The following EPHA6 variants were observed in gnomAD, a reference collection of about 807,000 sequenced individuals.
The protein encoded by EPHA6 is EPH receptor A6.
In EPHA6, 50 loss-of-function variants were observed where a neutral mutation model predicts 112.0. The observed-to-expected ratio is 0.45, with a 90% CI of 0.36 to 0.56. The LOEUF (loss-of-function observed/expected upper bound fraction) is 0.56, where lower values mean the gene tolerates loss of function less well. Ranked by LOEUF, EPHA6 falls within the 20% of genes least tolerant of loss-of-function variation. The probability of loss-of-function intolerance (pLI) is 0.00; values close to 1 mark genes in which losing one functional copy is unlikely to be tolerated. For missense variants in EPHA6, 1,280 were observed against 1,417.4 expected (o/e 0.90, Z 1.56); for synonymous variants, 529 against 490.7 (o/e 1.08, Z -1.03).
chr3:97,127,714 C>CAA (rs1343245083), intron 3 of EPHA6, among the ~76,000 whole-genome samples: 18 of 93,890 alleles, frequency 1.9e-4, no homozygotes, highest in African/African-American at 6.7e-4. Context: ...GACCCTGTCT[C>CAA]AAAAAAAAAA....
intron 8 of EPHA6, among the ~76,000 whole-genome samples, chr3:97,476,607 C>T (rs889845649): frequency 6.6e-6 from 1 of 151,988 alleles, no homozygotes; most frequent in Non-Finnish European, 1.5e-5. Context: ...ACAATTTTGA[C>T]AGCACACCAA....
chr3:97,476,514 C>T (rs980225226), intron 8 of EPHA6, among the ~76,000 whole-genome samples: 2 of 152,086 alleles, frequency 1.3e-5, no homozygotes, highest in Non-Finnish European at 2.9e-5. Context: ...TTTTAAAACT[C>T]TGCTTAGGGA....
At chr3:97,111,252 G>A (rs141722244) in intron 3 of EPHA6, among the ~76,000 whole-genome samples, 82 of 152,196 alleles carry the variant, frequency 5.4e-4, no homozygotes, top group African/African-American at 1.9e-3. Flanking sequence ...TTTTATTCAT[G>A]AATTTCTTCA....
chr3:97,508,056 T>G (rs2092291141), intron 10 of EPHA6, among the ~76,000 whole-genome samples: 1 of 152,156 alleles, frequency 6.6e-6, no homozygotes, highest in Admixed American at 6.6e-5. Context: ...TCTCTTTTCT[T>G]CTTTATTAGT....
chr3:97,391,390 G>A (rs1160181845), intron 5 of EPHA6, among the ~76,000 whole-genome samples: 2 of 151,896 alleles, frequency 1.3e-5, no homozygotes. Context: ...ATTTAGCACC[G>A]TTGGTACAGT....
intron 5 of EPHA6, among the ~76,000 whole-genome samples, chr3:97,385,323 T>C (rs944068475): frequency 6.6e-6 from 1 of 152,204 alleles, no homozygotes; most frequent in East Asian, 1.9e-4. Context: ...TATGAACCCA[T>C]AGACCTTCTT....
intron 14 of EPHA6, 50 bp from the exon 15 acceptor site, chr3:97,720,211 T>C (rs2034464893): frequency 2.8e-6 from 4 of 1,451,726 alleles, no homozygotes; most frequent in Non-Finnish European, 2.7e-6. Context: ...TACCATTTTG[T>C]TTTTAATACA....
chr3:97,534,240 A>T (rs184717415), intron 11 of EPHA6, among the ~76,000 whole-genome samples: 2 of 152,284 alleles, frequency 1.3e-5, no homozygotes, highest in Admixed American at 1.3e-4. Flanking sequence ...ACCACATTCA[A>T]TAATATTCTT....
intron 3 of EPHA6, among the ~76,000 whole-genome samples, chr3:97,114,547 T>C (rs1444766900): frequency 6.6e-6 from 1 of 152,088 alleles, no homozygotes; most frequent in Middle Eastern, 3.2e-3. Context: ...TGAGATTTTA[T>C]ATAATTTTAT....
At chr3:97,583,448 A>C (rs962963825) in intron 11 of EPHA6, among the ~76,000 whole-genome samples, 5 of 151,796 alleles carry the variant, frequency 3.3e-5, no homozygotes, top group Non-Finnish European at 7.4e-5. Flanking sequence ...CTGAGGCAGG[A>C]GAATGGTGTG....
chr3:97,706,496 G>A (rs770110328), intron 14 of EPHA6, among the ~76,000 whole-genome samples: 2 of 152,132 alleles, frequency 1.3e-5, no homozygotes, highest in Non-Finnish European at 2.9e-5. Context: ...CCAAGTCTTC[G>A]CTGTCATGGC....
intron 2 of EPHA6, among the ~76,000 whole-genome samples, chr3:96,972,421 ACAAAC>A (rs1559633582): frequency 1.3e-5 from 1 of 77,404 alleles, no homozygotes; most frequent in African/African-American, 6.5e-5. Context: ...AAACACACAC[ACAAAC>A]ACACACACAC....
At chr3:97,740,684 G>A (rs890242993) in intron 16 of EPHA6, among the ~76,000 whole-genome samples, 1 of 152,108 alleles carries the variant, frequency 6.6e-6, no homozygotes, top group African/African-American at 2.4e-5. Context: ...TGTGAATAAT[G>A]CTGTAAGACT....
intron 13 of EPHA6, among the ~76,000 whole-genome samples, chr3:97,619,096 C>G (rs2107494416): frequency 6.6e-6 from 1 of 152,120 alleles, no homozygotes; most frequent in South Asian, 2.1e-4. Flanking sequence ...CCCCAGGGTG[C>G]AAGATTGGTT....
intron 5 of EPHA6, among the ~76,000 whole-genome samples, chr3:97,260,820 G>T (rs183943772): frequency 6.6e-6 from 1 of 152,264 alleles, no homozygotes; most frequent in Non-Finnish European, 1.5e-5. Context: ...CTTAACTGCA[G>T]CTTATTTTCA....
chr3:97,685,873 T>C (rs2032209251), intron 14 of EPHA6, among the ~76,000 whole-genome samples: 1 of 152,144 alleles, frequency 6.6e-6, no homozygotes, highest in Non-Finnish European at 1.5e-5. Flanking sequence ...AATAATCAAA[T>C]GCAAATCTAA....
At chr3:97,648,024 T>C (rs2094078972) in intron 14 of EPHA6, among the ~76,000 whole-genome samples, 1 of 152,138 alleles carries the variant, frequency 6.6e-6, no homozygotes. Flanking sequence ...TGAGTAAACT[T>C]CTTTTATTAT....
At chr3:97,030,046 G>A (rs1335488456) in intron 3 of EPHA6, among the ~76,000 whole-genome samples, 1 of 152,054 alleles carries the variant, frequency 6.6e-6, no homozygotes, top group Non-Finnish European at 1.5e-5. Context: ...CATGCAAAAA[G>A]ACTTTCTTTT....
intron 2 of EPHA6, among the ~76,000 whole-genome samples, chr3:96,973,306 A>T (rs141993385): frequency 3.0e-4 from 46 of 152,298 alleles, no homozygotes; most frequent in African/African-American, 1.0e-3. Context: ...ATATGCACAC[A>T]CTATTGGCAA....
Sources: gnomAD v4.1 joint callset for allele counts (sites outside exome capture counted in the v4.1 genomes callset) on GRCh38, gnomAD v4.1.1 for gene constraint, MANE v1.5 for transcripts, NCBI Gene and HGNC (gene_info 2026-07-23, HGNC 2026-07-21) for gene names.